Variants in DMD observed in about 807,000 individuals in gnomAD.
DMD encodes dystrophin, also known as mutant dystrophin.
A neutral mutation model predicts 330.1 loss-of-function variants in DMD; 63 were observed. The ratio of observed to expected loss-of-function variants is 0.19; its 90% CI spans 0.16 to 0.24. The LOEUF is 0.24. DMD is among the 10% of genes least tolerant of loss of function. The probability of loss-of-function intolerance (pLI) is 1.00; values close to 1 mark genes in which losing one functional copy is unlikely to be tolerated. For synonymous variants in DMD, 1,223 were observed against 959.8 expected (o/e 1.27, Z -5.07); for missense variants, 3,344 against 2,684.1 (o/e 1.25, Z -5.43).
chrX:31,177,869 AAG>A, intron 71 of DMD, 61 bp downstream of exon 71: 4 of 982,016 alleles, frequency 4.1e-6, no homozygotes, highest in Non-Finnish European at 5.8e-6. Flanking sequence ...AACAGAACAA[AAG>A]AGAACCAAGC....
chrX:32,554,128 G>A (rs763794097), intron 16 of DMD, among the ~76,000 whole-genome samples: 5 of 112,152 alleles, frequency 4.5e-5, no homozygotes, highest in Non-Finnish European at 9.4e-5. Context: ...CTGGGACGCA[G>A]CTAAAGCAGT....
At chrX:32,238,436 G>A (rs1482720467) in intron 43 of DMD, among the ~76,000 whole-genome samples, 1 of 101,489 alleles carries the variant, frequency 9.9e-6, no homozygotes, top group African/African-American at 3.7e-5. Flanking sequence ...CACAGAAGAA[G>A]CAATGCATGA....
At chrX:32,737,141 G>A (rs765907745) in intron 7 of DMD, among the ~76,000 whole-genome samples, 2 of 108,391 alleles carry the variant, frequency 1.8e-5, no homozygotes, top group South Asian at 7.9e-4. Flanking sequence ...AACAACAAAA[G>A]GGGGGGGACA....
At chrX:32,927,513 C>A (rs752572751) in intron 2 of DMD, among the ~76,000 whole-genome samples, 103 of 109,464 alleles carry the variant, frequency 9.4e-4, no homozygotes, top group African/African-American at 3.3e-3. Context: ...AACTCCCGGC[C>A]TCAGGTGACC....
intron 59 of DMD, among the ~76,000 whole-genome samples, chrX:31,464,874 T>C (rs1456391836): frequency 8.9e-6 from 1 of 112,655 alleles, no homozygotes; most frequent in Admixed American, 9.4e-5. Flanking sequence ...AGAACTTATA[T>C]GCACTTCAAA....
chrX:31,358,593 G>A (rs1280812193), intron 60 of DMD, among the ~76,000 whole-genome samples: 1 of 112,364 alleles, frequency 8.9e-6, no homozygotes, highest in Non-Finnish European at 1.9e-5. Context: ...CAGTCACTGC[G>A]TTTTTGGGAT....
chrX:32,608,920 T>C (rs1368972590), intron 12 of DMD, among the ~76,000 whole-genome samples: 1 of 110,920 alleles, frequency 9.0e-6, no homozygotes, highest in Non-Finnish European at 1.9e-5. Flanking sequence ...AATTTTAACC[T>C]TGCTAAATAT....
chrX:31,729,101 T>C (rs2086302868), intron 52 of DMD, among the ~76,000 whole-genome samples: 2 of 112,178 alleles, frequency 1.8e-5, no homozygotes, highest in Admixed American at 1.9e-4. Context: ...TCTAGTCAGA[T>C]GGGTCTTACC....
At chrX:31,251,478 G>A (rs1276591152) in intron 63 of DMD, among the ~76,000 whole-genome samples, 3 of 111,918 alleles carry the variant, frequency 2.7e-5, no homozygotes, top group Non-Finnish European at 3.8e-5. Flanking sequence ...TTATGCAAGC[G>A]ATGAACGCTT....
chrX:31,350,630 TGTGAGAGAGAGAGAGAGA>T (rs1162973660), intron 60 of DMD, among the ~76,000 whole-genome samples: 1 of 47,469 alleles, frequency 2.1e-5, no homozygotes, highest in African/African-American at 6.9e-5. Flanking sequence ...TGTGTGTGTG[TGTGAGAGAGAGAGAGAGA>T]GAGAGAGAGA....
rs886521470 is a variant in DMD at position 32,310,296 on chromosome X, G to T, written c.5923-20C>A. ...AGTGTGCTGGTATAGATATACAAAA[G>T]AACAATTTTTTTTAGCTTCCTAACA... On this transcript the variant is annotated intron_variant, in intron 41 of 78. Transcript: ENST00000357033. 2 of 1,186,306 alleles carry T rather than the reference G, an allele frequency of 1.7e-6. No individual in the cohort carries two copies. Among genetic ancestry groups the T allele is most frequent in the Middle Eastern group, 2.3e-4 (1 of 4,271 alleles).
chrX:31,903,071 G>A (rs1304921542), intron 47 of DMD, among the ~76,000 whole-genome samples: 1 of 111,179 alleles, frequency 9.0e-6, no homozygotes, highest in African/African-American at 3.3e-5. Flanking sequence ...TAATGAGAGC[G>A]ATACATGTAA....
chrX:32,591,023 T>C (rs748957690), intron 13 of DMD, among the ~76,000 whole-genome samples: 8 of 111,689 alleles, frequency 7.2e-5, no homozygotes, highest in Non-Finnish European at 1.3e-4. Flanking sequence ...ATTATTTTTA[T>C]TAGGAAAATC....
At chrX:31,946,556 A>C (rs2095089826) in intron 45 of DMD, among the ~76,000 whole-genome samples, 1 of 111,735 alleles carries the variant, frequency 8.9e-6, no homozygotes, top group Admixed American at 9.5e-5. Flanking sequence ...ATTACTCAAG[A>C]TTGGTTTTGA....
At chrX:31,371,600 C>T (rs1049124684) in intron 60 of DMD, among the ~76,000 whole-genome samples, 11 of 111,027 alleles carry the variant, frequency 9.9e-5, no homozygotes, top group Non-Finnish European at 1.5e-4. Flanking sequence ...CCCTGGAGGA[C>T]GCTGAGCTTG....
At chrX:31,436,807 A>G (rs182678713) in intron 60 of DMD, among the ~76,000 whole-genome samples, 1 of 111,819 alleles carries the variant, frequency 8.9e-6, no homozygotes, top group African/African-American at 3.2e-5. Context: ...TTCTCTCCTT[A>G]CTGAAAAGAT....
chrX:32,168,732 C>T (rs2096877405), intron 44 of DMD, among the ~76,000 whole-genome samples: 1 of 111,150 alleles, frequency 9.0e-6, no homozygotes, highest in African/African-American at 3.3e-5. Flanking sequence ...ATTGGTTCCT[C>T]TCTTCTTTGT....
chrX:32,642,202 C>A (rs1055596858), intron 11 of DMD, among the ~76,000 whole-genome samples: 1 of 111,711 alleles, frequency 9.0e-6, no homozygotes, highest in Admixed American at 9.6e-5. Flanking sequence ...CATATTATTT[C>A]TGAATTTGTG....
intron 57 of DMD, among the ~76,000 whole-genome samples, chrX:31,494,472 T>C (rs1263941754): frequency 9.0e-6 from 1 of 111,674 alleles, no homozygotes; most frequent in South Asian, 3.8e-4. Flanking sequence ...GAGTAATCAA[T>C]GGGCTGGAAG....
Sources: allele counts gnomAD v4.1 joint callset (sites outside exome capture counted in the v4.1 genomes callset), GRCh38; gene constraint gnomAD v4.1.1; transcripts MANE v1.5; gene names NCBI Gene and HGNC (gene_info 2026-07-23, HGNC 2026-07-21).